The following HPSE2 variants were observed in gnomAD, a reference collection of about 807,000 sequenced individuals.
HPSE2 encodes inactive heparanase-2.
HPSE2 carries 38 observed loss-of-function variants against 60.5 expected under a neutral mutation model. That is an observed-to-expected ratio of 0.63 (90% confidence interval 0.48 to 0.82). The LOEUF (loss-of-function observed/expected upper bound fraction) is 0.82. HPSE2 is among the 40% of genes least tolerant of loss of function. The pLI is 0.00. For missense variants in HPSE2, 713 were observed against 740.4 expected (o/e 0.96, Z 0.43); for synonymous variants, 295 against 293.2 (o/e 1.01, Z -0.06).
chr10:99,185,805 A>C lies in HPSE2; in HGVS notation c.449-41406T>G, dbSNP rs149251313. Among the ~76,000 whole-genome samples, 505 of 152,072 alleles carry C rather than the reference A, an allele frequency of 3.3e-3. 3 individuals carry two copies. The highest frequency in any genetic ancestry group is 0.014 in the Middle Eastern group (4 of 294). On this transcript the variant is annotated intron_variant, in intron 2 of 11. Transcript: ENST00000370552. Reference sequence around the variant, plus strand: ...AAAGAAAAAGAAAAAGAAAAGAAAAATAGAGGTGGGGCAGGGAGGAATGAT... The same window carrying C: ...AAAGAAAAAGAAAAAGAAAAGAAAACTAGAGGTGGGGCAGGGAGGAATGAT...
intron 3 of HPSE2, among the ~76,000 whole-genome samples, chr10:98,868,621 T>C (rs1952653961): frequency 6.6e-6 from 1 of 152,176 alleles, no homozygotes; most frequent in Non-Finnish European, 1.5e-5. Context: ...CCCATAAATA[T>C]GTACACCTAC....
At chr10:98,479,555 C>T (rs1266281842) in intron 11 of HPSE2, among the ~76,000 whole-genome samples, 1 of 152,196 alleles carries the variant, frequency 6.6e-6, no homozygotes, top group African/African-American at 2.4e-5. Flanking sequence ...TGGTCTTGAA[C>T]ATGTACATGA....
chr10:99,132,208 AGAGAGAGAGAGAGAGAGAGAG>A (rs1564832977), intron 3 of HPSE2, among the ~76,000 whole-genome samples: 8 of 22,808 alleles, frequency 3.5e-4, no homozygotes, highest in African/African-American at 4.1e-4. Flanking sequence ...AGAGAGAGAG[AGAGAGAGAGAGAGAGAGAGAG>A]AGAGAGAGAG....
intron 9 of HPSE2, among the ~76,000 whole-genome samples, chr10:98,567,268 C>T (rs1384970752): frequency 6.6e-6 from 1 of 152,216 alleles, no homozygotes; most frequent in African/African-American, 2.4e-5. Flanking sequence ...TACATCCCTT[C>T]TGAGCTGAAC....
intron 3 of HPSE2, among the ~76,000 whole-genome samples, chr10:99,053,039 GA>G (rs59630547): frequency 2.7e-5 from 4 of 148,370 alleles, no homozygotes; most frequent in Non-Finnish European, 5.9e-5. Context: ...TTAATTTCTT[GA>G]AAAAAAAACA....
intron 9 of HPSE2, among the ~76,000 whole-genome samples, chr10:98,529,302 A>T (rs919457806): frequency 6.6e-6 from 1 of 152,228 alleles, no homozygotes; most frequent in African/African-American, 2.4e-5. Flanking sequence ...CAGATTTTAA[A>T]TTTCTAGTTA....
intron 3 of HPSE2, among the ~76,000 whole-genome samples, chr10:98,821,921 G>A (rs1213966660): frequency 6.6e-6 from 1 of 152,072 alleles, no homozygotes; most frequent in Non-Finnish European, 1.5e-5. Context: ...TCCAAAAAAG[G>A]ATTTAAATGA....
intron 3 of HPSE2, among the ~76,000 whole-genome samples, chr10:99,123,840 C>A (rs1845057622): frequency 6.6e-6 from 1 of 151,996 alleles, no homozygotes; most frequent in East Asian, 1.9e-4. Flanking sequence ...GAAGAGGAGA[C>A]CTTCAGTGGG....
chr10:98,835,329 T>C (rs1054588658), intron 3 of HPSE2, among the ~76,000 whole-genome samples: 5 of 151,896 alleles, frequency 3.3e-5, no homozygotes, highest in African/African-American at 9.7e-5. Flanking sequence ...GATAGAAAAA[T>C]AGCTTATATT....
chr10:98,491,892 G>C (rs549931361), intron 9 of HPSE2, among the ~76,000 whole-genome samples: 1 of 152,078 alleles, frequency 6.6e-6, no homozygotes, highest in Non-Finnish European at 1.5e-5. Context: ...AATCCGGAAG[G>C]GATCCTTAGT....
the HPSE2 span, among the ~76,000 whole-genome samples, chr10:99,315,445 G>A: frequency 2.0e-5 from 3 of 151,988 alleles, no homozygotes; most frequent in East Asian, 1.9e-4. Context: ...CAGAATTCTA[G>A]GGTTAAGAAC....
chr10:98,522,342 A>G (rs1009166116), intron 9 of HPSE2, among the ~76,000 whole-genome samples: 1 of 152,120 alleles, frequency 6.6e-6, no homozygotes, highest in Non-Finnish European at 1.5e-5. Context: ...CCCACCATCC[A>G]CTATAAGAGA....
At chr10:98,902,914 C>A (rs569729593) in intron 3 of HPSE2, among the ~76,000 whole-genome samples, 11 of 152,156 alleles carry the variant, frequency 7.2e-5, no homozygotes, top group Admixed American at 3.9e-4. Flanking sequence ...GACAATTCTA[C>A]TCCTAGATAT....
At chr10:99,072,031 T>A in intron 3 of HPSE2, among the ~76,000 whole-genome samples, 1 of 152,196 alleles carries the variant, frequency 6.6e-6, no homozygotes, top group Middle Eastern at 3.4e-3. Context: ...GTTTGTTTTT[T>A]TTTTTTTAAT....
chr10:99,120,095 G>A (rs563017987), intron 3 of HPSE2, among the ~76,000 whole-genome samples: 2 of 152,236 alleles, frequency 1.3e-5, no homozygotes, highest in Admixed American at 6.5e-5. Flanking sequence ...TTGGCAAACA[G>A]GATCTAATTA....
intron 9 of HPSE2, among the ~76,000 whole-genome samples, chr10:98,518,286 C>G (rs1942668538): frequency 1.3e-5 from 2 of 152,210 alleles, no homozygotes; most frequent in Admixed American, 6.5e-5. Flanking sequence ...CATCATTCTG[C>G]AAGCTATAAT....
chr10:99,303,752 T>A, the HPSE2 span, among the ~76,000 whole-genome samples: 401 of 152,300 alleles, frequency 2.6e-3, 7 homozygotes, highest in East Asian at 0.047. Flanking sequence ...GGTAACATGA[T>A]GCTGTGGGTA....
the HPSE2 span, among the ~76,000 whole-genome samples, chr10:99,311,436 T>C: frequency 6.6e-6 from 1 of 152,248 alleles, no homozygotes; most frequent in Non-Finnish European, 1.5e-5. Flanking sequence ...TGTTAATATT[T>C]CAAGCTTTTT....
chr10:98,818,161 G>C (rs963063244), intron 3 of HPSE2, among the ~76,000 whole-genome samples: 1 of 152,182 alleles, frequency 6.6e-6, no homozygotes, highest in Non-Finnish European at 1.5e-5. Context: ...TCAATGTTTA[G>C]CTGTACATGT....
Sources: gnomAD v4.1 joint callset for allele counts (sites outside exome capture counted in the v4.1 genomes callset) on GRCh38, gnomAD v4.1.1 for gene constraint, MANE v1.5 for transcripts, NCBI Gene and HGNC (gene_info 2026-07-23, HGNC 2026-07-21) for gene names.